Variants in EHBP1 observed in about 807,000 individuals in gnomAD.
EHBP1 encodes the protein EH domain binding protein 1.
Under a neutral mutation model 144.0 loss-of-function variants are expected in EHBP1, and 55 were observed. The ratio of observed to expected loss-of-function variants is 0.38; its 90% CI spans 0.31 to 0.48. EHBP1 has a LOEUF of 0.48. Among genes scored for constraint, EHBP1 ranks in the 20% least tolerant of loss-of-function variants. EHBP1 has a pLI of 0.98. For synonymous variants in EHBP1, 469 were observed against 472.7 expected (o/e 0.99, Z 0.10); for missense variants, 1,200 against 1,364.2 (o/e 0.88, Z 1.90).
At chr2:62,696,721 G>T (rs1208249322) in intron 1 of EHBP1, among the ~76,000 whole-genome samples, 1 of 151,552 alleles carries the variant, frequency 6.6e-6, no homozygotes, top group Non-Finnish European at 1.5e-5. Context: ...GTTTCACTGT[G>T]TTAGCCAGGA....
chr2:62,899,007 G>T (rs75534004), intron 10 of EHBP1, among the ~76,000 whole-genome samples: 2,201 of 152,250 alleles, frequency 0.014, 26 homozygotes, highest in Non-Finnish European at 0.022. Context: ...TGTTTAAGGG[G>T]CTGGTGAAGT....
chr2:62,982,920 C>T (rs999684538), intron 15 of EHBP1, among the ~76,000 whole-genome samples: 2 of 152,128 alleles, frequency 1.3e-5, no homozygotes, highest in Admixed American at 1.3e-4. Flanking sequence ...TTTTAGGTCA[C>T]CTGTAACTGT....
chr2:62,958,390 G>A (rs1558982764), intron 14 of EHBP1, among the ~76,000 whole-genome samples: 2 of 152,194 alleles, frequency 1.3e-5, no homozygotes, highest in East Asian at 3.9e-4. Flanking sequence ...CAATACAAAG[G>A]AACAGGACAC....
At position 62,948,875 on chromosome 2, in the gene EHBP1, C is replaced by A. The variant is rs762320362; in HGVS notation, c.2029C>A (p.Pro677Thr). 1.2e-6 allele frequency: 2 copies of A among 1,613,994 alleles called. No homozygotes were observed. Among genetic ancestry groups the A allele is most frequent in the East Asian group, 2.2e-5 (1 of 44,856 alleles). ...VSDKKKDMSP[P>T]FICEETDEQK... Reference sequence around the variant, plus strand: ...TGATAAGAAGAAGGATATGTCTCCACCCTTTATTTGTGAGGAGACAGATGA... The same window carrying A: ...TGATAAGAAGAAGGATATGTCTCCAACCTTTATTTGTGAGGAGACAGATGA... Residue 677 changes from proline (P) to threonine (T), a missense_variant, in exon 13 of 23, where the codon CCC (proline) becomes ACC (threonine). Physicochemically the swap from Pro to Thr is conservative, Grantham distance 38. Around this residue, in one of 6 missense-constraint regions of EHBP1, gnomAD observed 543 missense variants for 513.1 expected, o/e 1.06. Transcript: ENST00000431489.
At chr2:62,983,627 G>A (rs753318979) in intron 15 of EHBP1, among the ~76,000 whole-genome samples, 13 of 152,114 alleles carry the variant, frequency 8.5e-5, no homozygotes, top group Admixed American at 1.3e-4. Flanking sequence ...TGCAACCTCC[G>A]TCTCCCGGGT....
At position 62,948,835 on chromosome 2, in the gene EHBP1, T is replaced by C. The variant is rs200933307; in HGVS notation, c.1989T>C (p.Ser663=). 1.2e-6 allele frequency: 2 copies of C among 1,614,072 alleles called. No homozygotes were observed. Among genetic ancestry groups the C allele is most frequent in the East Asian group, 4.5e-5 (2 of 44,860 alleles). ...RLLKAETLEL[S]DLYVSDKKKD... is the part of the protein sequence containing the mutation. ...TGAAAGCTGAGACTTTAGAATTGAGTGACTTATATGTTAGTGATAAGAAGA... is the reference window on the plus strand; with the variant it reads ...TGAAAGCTGAGACTTTAGAATTGAGCGACTTATATGTTAGTGATAAGAAGA... The change falls in exon 13 of 23, where the codon AGT becomes AGC. Residue 663 remains serine (S), a synonymous_variant. Transcript: ENST00000431489.
chr2:62,874,445 C>T lies in EHBP1; in HGVS notation c.1098C>T (p.Ala366=), dbSNP rs774277262. The change falls in exon 10 of 23, where the codon GCC becomes GCT. Residue 366 remains alanine, a synonymous_variant. Transcript: ENST00000431489. The stretch of plus-strand genomic sequence containing the variant: ...CTGAAAGGCGAGTGAAAAGAAAGGC[C>T]CCGGCTCCACCAGTCCTCTCACCAA... ...LETERRVKRK[A]PAPPVLSPKT... The T allele has an allele frequency of 6.2e-7, 1 of 1,613,464 alleles. No individual in the cohort carries two copies. The highest frequency in any genetic ancestry group is 1.1e-5 in the South Asian group (1 of 90,984).
chr2:62,879,120 A>G (rs2051145294), intron 10 of EHBP1, among the ~76,000 whole-genome samples: 1 of 152,158 alleles, frequency 6.6e-6, no homozygotes, highest in Non-Finnish European at 1.5e-5. Flanking sequence ...TTAACAAACT[A>G]GGTATTAAAG....
At chr2:62,840,453 C>G (rs1573640890) in intron 7 of EHBP1, among the ~76,000 whole-genome samples, 1 of 146,210 alleles carries the variant, frequency 6.8e-6, no homozygotes, top group Non-Finnish European at 1.5e-5. Flanking sequence ...TCCAAAACAC[C>G]AAAAGCAATG....
chr2:62,997,956 G>A (rs935971892), intron 19 of EHBP1, among the ~76,000 whole-genome samples: 2 of 152,052 alleles, frequency 1.3e-5, no homozygotes, highest in Non-Finnish European at 2.9e-5. Context: ...GAGTGGCTCT[G>A]AGTTTATTTA....
chr2:62,830,155 C>T (rs796354544), intron 6 of EHBP1, among the ~76,000 whole-genome samples: 2 of 42,804 alleles, frequency 4.7e-5, no homozygotes, highest in African/African-American at 1.3e-4. Context: ...TATATATAGA[C>T]ACACACACAC....
chr2:62,955,859 T>G (rs1279564875), intron 14 of EHBP1, 199 bp downstream of exon 14: 24 of 442,044 alleles, frequency 5.4e-5, no homozygotes, highest in Middle Eastern at 1.1e-3. Context: ...GCAGTGTTAG[T>G]GATGAGGAAA....
chr2:63,027,066 G>A (rs1443974657), intron 19 of EHBP1, among the ~76,000 whole-genome samples: 1 of 152,196 alleles, frequency 6.6e-6, no homozygotes, highest in Non-Finnish European at 1.5e-5. Flanking sequence ...GAGTCCTTAA[G>A]TGTCAAATGG....
intron 9 of EHBP1, among the ~76,000 whole-genome samples, chr2:62,869,672 A>C (rs958512773): frequency 1.3e-5 from 2 of 152,182 alleles, no homozygotes; most frequent in African/African-American, 2.4e-5. Context: ...TTTTGGAGGG[A>C]CTGGAAATGT....
At chr2:62,912,427 C>CT (rs1231351090) in intron 10 of EHBP1, among the ~76,000 whole-genome samples, 1 of 152,096 alleles carries the variant, frequency 6.6e-6, no homozygotes, top group Non-Finnish European at 1.5e-5. Context: ...TAGTGCATGC[C>CT]TGTAGTCCCA....
chr2:63,005,907 AACATATAGTAATTATTC>A lies in EHBP1; in HGVS notation c.3103+9143_3103+9159del, dbSNP rs1450991983. On this transcript the variant is annotated intron_variant, in intron 19 of 22. Coordinates refer to ENST00000431489, the MANE Select transcript of EHBP1 (RefSeq NM_001142616.3). ...TTCTAACATGCCTAAAATACTTGGTAACATATAGTAATTATTCATAATTATTTGAGGTTTTTTCATGT... is the reference window on the plus strand; with the variant it reads ...TTCTAACATGCCTAAAATACTTGGTAATAATTATTTGAGGTTTTTTCATGT... Among the ~76,000 whole-genome samples, 30 of 152,178 alleles carry A rather than the reference AACATATAGTAATTATTC, an allele frequency of 2.0e-4. No homozygotes were observed. In the South Asian group the frequency reaches 4.4e-3, roughly 22 times the overall value.
chr2:62,733,275 A>G (rs2037792673), intron 2 of EHBP1, among the ~76,000 whole-genome samples: 1 of 152,196 alleles, frequency 6.6e-6, no homozygotes, highest in South Asian at 2.1e-4. Flanking sequence ...TACCGCAGCT[A>G]TAGCTATAGG....
At chr2:62,740,064 T>C (rs1355872145) in intron 2 of EHBP1, among the ~76,000 whole-genome samples, 2 of 152,176 alleles carry the variant, frequency 1.3e-5, no homozygotes, top group South Asian at 2.1e-4. Context: ...CTTCAAACTA[T>C]GTTTCCTCAC....
At chr2:62,806,593 G>A (rs1177783617) in intron 5 of EHBP1, among the ~76,000 whole-genome samples, 1 of 151,966 alleles carries the variant, frequency 6.6e-6, no homozygotes, top group Admixed American at 6.5e-5. Flanking sequence ...GAACTCCTGG[G>A]TTCAAGCAAT....
Sources: gnomAD v4.1 joint callset for allele counts (sites outside exome capture counted in the v4.1 genomes callset) on GRCh38, gnomAD v4.1.1 for gene constraint, gnomAD v4.1.1 regional missense constraint, MANE v1.5 for transcripts, NCBI Gene and HGNC (gene_info 2026-07-23, HGNC 2026-07-21) for gene names.